The following KRT74 variants were observed in gnomAD, a reference collection of about 807,000 sequenced individuals.
The protein encoded by KRT74 is keratin, type II cytoskeletal 74.
KRT74 carries 43 observed loss-of-function variants against 42.7 expected under a neutral mutation model. The ratio of observed to expected loss-of-function variants is 1.01; its 90% CI spans 0.79 to 1.30. The LOEUF is 1.30. KRT74 is among the 50% of genes most tolerant of loss of function. The pLI is 0.00. For synonymous variants in KRT74, 302 were observed against 279.0 expected (o/e 1.08, Z -0.82); for missense variants, 736 against 689.1 (o/e 1.07, Z -0.76).
chr12:52,569,247 A>G (rs1939431178), intron 6 of KRT74, among the ~76,000 whole-genome samples: 1 of 151,880 alleles, frequency 6.6e-6, no homozygotes, highest in African/African-American at 2.4e-5. Context: ...CTGTCAGGTA[A>G]GACAGGCCCC....
chr12:52,569,046 G>T (rs538100450), intron 6 of KRT74, among the ~76,000 whole-genome samples: 1 of 152,188 alleles, frequency 6.6e-6, no homozygotes. Context: ...ATGTAGAGTC[G>T]TAGAGTTGTC....
rs1046799693 is a variant in KRT74, at chr12:52,566,907, C to T, written c.*62G>A. ...GGCCTGGGAACTTGGGTGTGGCAGACACCTTTGGGGGTGGCAAAGTCACCT... is the reference window on the plus strand; with the variant it reads ...GGCCTGGGAACTTGGGTGTGGCAGATACCTTTGGGGGTGGCAAAGTCACCT... On this transcript the variant is annotated 3_prime_UTR_variant, in exon 9 of 9. Transcript: ENST00000305620. The T allele has an allele frequency of 5.5e-6, 8 of 1,450,410 alleles. No individual in the cohort carries two copies. In the Admixed American group the frequency reaches 1.5e-4, roughly 27 times the overall value. The allele number at this position is 1,450,410 out of a possible 1,614,324, so 89.8% of individuals were successfully genotyped here.
chr12:52,569,072 A>G (rs1200524239), intron 6 of KRT74, among the ~76,000 whole-genome samples: 2 of 152,188 alleles, frequency 1.3e-5, no homozygotes, highest in African/African-American at 4.8e-5. Flanking sequence ...GTTTGCCTGC[A>G]GAGCATGGAG....
chr12:52,572,728 C>T, intron 1 of KRT74, 61 bp from the exon 2 acceptor site: 3 of 1,468,752 alleles, frequency 2.0e-6, no homozygotes, highest in Non-Finnish European at 2.9e-6. Context: ...CCCCTGGACA[C>T]ACACCATTGA....
Position 52,567,159 on chromosome 12 carries a change from C to G in KRT74, c.1400G>C (p.Ser467Thr), listed in dbSNP as rs1272993216. Residue 467 changes from serine to threonine, a missense_variant, in exon 9 of 9, where the codon AGC (serine) becomes ACC (threonine). Physicochemically the swap from Ser to Thr is moderately conservative, Grantham distance 58. Transcript: ENST00000305620. ...NPSSVSISVISSSSYSYHHPS... is the reference protein window; with the variant it reads ...NPSSVSISVITSSSYSYHHPS... ...GTGGTGGTAGCTGTAGCTGCTACTG[C>G]TGATGACAGCTGAGGAGGAGGGGCC... is the stretch of plus-strand genomic sequence containing the variant. The G allele has an allele frequency of 1.3e-6, 2 of 1,595,792 alleles. No homozygotes were observed. The highest frequency in any genetic ancestry group is 1.7e-6 in the Non-Finnish European group (2 of 1,167,564).
rs1939392829 is a variant in KRT74, at chr12:52,567,024, T to C, written c.1535A>G (p.Asp512Gly). The C allele has an allele frequency of 6.2e-7, 1 of 1,604,158 alleles. No individual in the cohort carries two copies. The highest frequency in any genetic ancestry group is 8.5e-7 in the Non-Finnish European group (1 of 1,173,646). Residue 512 changes from aspartate (D) to glycine (G), a missense_variant, in exon 9 of 9, where the codon GAC becomes GGC. Coordinates refer to ENST00000305620, the MANE Select transcript of KRT74 (RefSeq NM_175053.4). ...GGCTGGGGTGCTCTTGCCCTGGGTG[T>C]CCTTGAGGTCTCCCCCTCGCGCCTC... ...TTEARGGDLKDTQGKSTPASI... is the reference protein window; with the variant it reads ...TTEARGGDLKGTQGKSTPASI...
In KRT74 at chr12:52,568,549, T is replaced by C. The variant is rs538980223; in HGVS notation, c.1135-160A>G. 7 of 736,558 alleles carry C rather than the reference T, an allele frequency of 9.5e-6. No homozygotes were observed. In the Admixed American group the frequency reaches 1.2e-4, roughly 12 times the overall value. 45.6% of individuals were successfully genotyped at this position (736,558 alleles called of 1,614,324 possible). A position where few individuals can be genotyped will look rare whatever the true frequency, so the allele number is the denominator to read the frequency against. ...GAACTTTGTCTCTTCTATTTTCTAT[T>C]GCAGAGGAGTATTCAAAGCTGTTAT... On this transcript the variant is annotated intron_variant, in intron 6 of 8. Coordinates refer to ENST00000305620, the MANE Select transcript of KRT74 (RefSeq NM_175053.4).
chr12:52,570,717 C>A lies in KRT74; in HGVS notation c.960G>T (p.Glu320Asp). ...IIAEVRMHYE[E>D]IALKSKAEAE... The stretch of plus-strand genomic sequence containing the variant: ...CCTCGGCCTTGCTCTTCAGGGCGAT[C>A]TCCTCATAATGCATGCGGACCTCAG... Residue 320 changes from glutamate to aspartate, a missense_variant, in exon 5 of 9, where the codon GAG becomes GAT. By Grantham distance (45) the Glu-to-Asp change is conservative. Transcript: ENST00000305620. 6.2e-7 allele frequency: 1 copy of A among 1,614,248 alleles called. No individual in the cohort carries two copies. Among genetic ancestry groups the A allele is most frequent in the Non-Finnish European group, 8.5e-7 (1 of 1,180,042 alleles).
Position 52,573,368 on chromosome 12 carries a change from C to T in KRT74, c.410G>A (p.Arg137His), listed in dbSNP as rs747946851. 54 of 1,614,098 alleles carry T rather than the reference C, an allele frequency of 3.3e-5. No individual in the cohort carries two copies. Among genetic ancestry groups the T allele is most frequent in the African/African-American group, 8.0e-5 (6 of 74,938 alleles). ...CTTGATCTGTTCCCGCTCCTGGGCG[C>T]GCACCTTCTGGATCTCAGGGTCCAG... is the stretch of plus-strand genomic sequence containing the variant. The part of the protein sequence containing the change: ...VELDPEIQKV[R>H]AQEREQIKVL... The change falls in exon 1 of 9, where the codon CGC (arginine) becomes CAC (histidine). Residue 137 changes from arginine (R) to histidine (H), a missense_variant. Transcript: ENST00000305620.
rs749558722 is a variant in KRT74, at chr12:52,573,604, A to G, written c.174T>C (p.Arg58=). ...RSLYSLGGNR[R]ISFNVAGGGV... Reference sequence around the variant, plus strand: ...CGCCACCAGCCACATTGAAAGAAATACGCCGATTCCCTCCAAGGCTATAGA... The same window carrying G: ...CGCCACCAGCCACATTGAAAGAAATGCGCCGATTCCCTCCAAGGCTATAGA... Residue 58 remains arginine, a synonymous_variant, in exon 1 of 9, where the codon CGT becomes CGC. Coordinates refer to ENST00000305620, the MANE Select transcript of KRT74 (RefSeq NM_175053.4). The G allele has an allele frequency of 1.2e-6, 2 of 1,614,180 alleles. No individual in the cohort carries two copies. Among genetic ancestry groups the G allele is most frequent in the Non-Finnish European group, 1.7e-6 (2 of 1,180,034 alleles).
rs1004456076 is a variant in KRT74, at chr12:52,566,656, C to T, written c.*313G>A. 10 of 314,968 alleles carry T rather than the reference C, an allele frequency of 3.2e-5. No individual in the cohort carries two copies. Among genetic ancestry groups the T allele is most frequent in the Admixed American group, 9.5e-5 (2 of 21,036 alleles). The allele number at this position is 314,968 out of a possible 1,614,324, so 19.5% of individuals were successfully genotyped here. A position where few individuals can be genotyped will look rare whatever the true frequency, so the allele number is the denominator to read the frequency against. On this transcript the variant is annotated 3_prime_UTR_variant, in exon 9 of 9. Coordinates refer to ENST00000305620, the MANE Select transcript of KRT74 (RefSeq NM_175053.4). The stretch of plus-strand genomic sequence containing the variant: ...CCTCCCCTGTCGTCTCCTGCTCCTT[C>T]CCTCTTTCTAGGGATGATCACAGCT...
At chr12:52,571,612 A>G (rs536709783) in intron 3 of KRT74, among the ~76,000 whole-genome samples, 158 bp from the exon 4 acceptor site, 1 of 152,210 alleles carries the variant, frequency 6.6e-6, no homozygotes. Flanking sequence ...AGCTTTGGGA[A>G]TAGGGAAAGG....
At chr12:52,570,518 T>C in intron 5 of KRT74, 151 bp downstream of exon 5, 3 of 776,556 alleles carry the variant, frequency 3.9e-6, no homozygotes, top group Non-Finnish European at 6.4e-6. Context: ...GATAACAAGC[T>C]CTGCTAAGAA....
At chr12:52,572,834 C>G (rs1272984499) in intron 1 of KRT74, among the ~76,000 whole-genome samples, 167 bp from the exon 2 acceptor site, 1 of 152,200 alleles carries the variant, frequency 6.6e-6, no homozygotes, top group Non-Finnish European at 1.5e-5. Flanking sequence ...TTTACAAGTG[C>G]TCATTTCCTA....
chr12:52,569,111 G>A (rs1191290779), intron 6 of KRT74, among the ~76,000 whole-genome samples: 1 of 152,154 alleles, frequency 6.6e-6, no homozygotes, highest in Non-Finnish European at 1.5e-5. Context: ...AGGAGAACAG[G>A]CTCAGATCTT....
chr12:52,568,782 C>A (rs1939424100), intron 6 of KRT74, among the ~76,000 whole-genome samples: 1 of 152,248 alleles, frequency 6.6e-6, no homozygotes, highest in South Asian at 2.1e-4. Flanking sequence ...CAGATTCCTG[C>A]TGCAGGACCT....
Position 52,568,409 on chromosome 12 carries a change from G to A in KRT74, c.1135-20C>T, listed in dbSNP as rs760630248. The A allele has an allele frequency of 5.6e-6, 9 of 1,612,596 alleles. No homozygotes were observed. In the African/African-American group the frequency reaches 1.2e-4, roughly 22 times the overall value. ...GGCACGCTGAAGGGCAAAGAACAGA[G>A]AGACCATCAGAACAGAAAATTACAT... On this transcript the variant is annotated intron_variant, in intron 6 of 8. Coordinates refer to ENST00000305620, the MANE Select transcript of KRT74 (RefSeq NM_175053.4).
chr12:52,571,490 C>A (rs200149024), intron 3 of KRT74, 36 bp from the exon 4 acceptor site: 10 of 1,459,278 alleles, frequency 6.9e-6, no homozygotes, highest in East Asian at 2.3e-5. Flanking sequence ...GGGGATGCAA[C>A]CCTCATCCCA....
Position 52,568,159 on chromosome 12 carries a change from C to A in KRT74, c.1355+10G>T, listed in dbSNP as rs1365348684. 1 of 1,614,038 alleles carries A rather than the reference C, an allele frequency of 6.2e-7. No individual in the cohort carries two copies. Among genetic ancestry groups the A allele is most frequent in the Admixed American group, 1.7e-5 (1 of 60,026 alleles). ...GTCCCTTCTCACACTTTCCCCTCCA[C>A]CCCACCTACCTGCACTCCTCGCCCT... On this transcript the variant is annotated intron_variant, in intron 7 of 8. Transcript: ENST00000305620.
Sources: allele counts gnomAD v4.1 joint callset (sites outside exome capture counted in the v4.1 genomes callset), GRCh38; gene constraint gnomAD v4.1.1; transcripts MANE v1.5; gene names NCBI Gene and HGNC (gene_info 2026-07-23, HGNC 2026-07-21).